Variants in CTDP1 observed in about 807,000 individuals in gnomAD.
CTDP1 encodes CTD phosphatase 1.
In CTDP1, 47 loss-of-function variants were observed where a neutral mutation model predicts 91.8. That is an observed-to-expected ratio of 0.51 (90% CI 0.41 to 0.65). The LOEUF (loss-of-function observed/expected upper bound fraction) is 0.65, where lower values mean the gene tolerates loss of function less well. CTDP1 is among the 30% of genes least tolerant of loss of function. The pLI is 0.00. For missense variants in CTDP1, 1,272 were observed against 1,373.7 expected, an observed-to-expected ratio of 0.93 and a Z score of 1.17; for synonymous variants, 656 against 598.5, an observed-to-expected ratio of 1.10 and a Z score of -1.40.
In CTDP1 at chr18:79,690,879, G is replaced by A. The variant is rs527464434; in HGVS notation, c.315-4346G>A. Among the ~76,000 whole-genome samples, 133 of 152,312 alleles carry A rather than the reference G, an allele frequency of 8.7e-4. 1 individual carries two copies. Among genetic ancestry groups the A allele is most frequent in the African/African-American group, 2.9e-3 (121 of 41,564 alleles). On this transcript the variant is annotated intron_variant, in intron 1 of 12. Transcript: ENST00000613122. ...TTTCAACCGCAGTACAGAAAATTAC[G>A]TGACTCCGACGTGGCCAGTATGCGA...
intron 3 of CTDP1, among the ~76,000 whole-genome samples, chr18:79,696,862 C>T (rs540474990): frequency 1.8e-4 from 27 of 152,246 alleles, no homozygotes; most frequent in African/African-American, 6.0e-4. Flanking sequence ...CGCTTCACCC[C>T]GTGGGTGAAA....
chr18:79,729,571 C>T (rs1293259174), intron 11 of CTDP1, among the ~76,000 whole-genome samples: 1 of 152,252 alleles, frequency 6.6e-6, no homozygotes, highest in Admixed American at 6.5e-5. Context: ...CTCGTTATCA[C>T]AGCGCGAAAC....
At chr18:79,716,927 C>T (rs1415250971) in intron 8 of CTDP1, among the ~76,000 whole-genome samples, 1 of 152,294 alleles carries the variant, frequency 6.6e-6, no homozygotes, top group Non-Finnish European at 1.5e-5. Context: ...TATCCCTGGC[C>T]TGGCAGATGG....
intron 4 of CTDP1, chr18:79,703,677 A>T (rs890558779): frequency 1.6e-5 from 2 of 125,126 alleles, no homozygotes; most frequent in Admixed American, 1.7e-4. Flanking sequence ...AACACGTATC[A>T]GCGAGGAAAC....
intron 10 of CTDP1, among the ~76,000 whole-genome samples, chr18:79,725,554 A>G (rs1459445356): frequency 6.7e-6 from 1 of 149,032 alleles, no homozygotes; most frequent in African/African-American, 2.5e-5. Flanking sequence ...CAGCCTCCTT[A>G]TTTCGTACTT....
At chr18:79,748,418 G>T (rs886540566) in intron 12 of CTDP1, among the ~76,000 whole-genome samples, 3 of 152,212 alleles carry the variant, frequency 2.0e-5, no homozygotes, top group African/African-American at 7.2e-5. Context: ...CCCAGCCCGG[G>T]CTCTGTGACC....
At chr18:79,748,284 G>A (rs866137865) in intron 12 of CTDP1, among the ~76,000 whole-genome samples, 1 of 152,234 alleles carries the variant, frequency 6.6e-6, no homozygotes, top group Non-Finnish European at 1.5e-5. Flanking sequence ...TAAGAGCAAA[G>A]GTTTTGTGCC....
chr18:79,689,898 G>T (rs1366299841), intron 1 of CTDP1, among the ~76,000 whole-genome samples: 1 of 152,204 alleles, frequency 6.6e-6, no homozygotes, highest in African/African-American at 2.4e-5. Flanking sequence ...TGGCCGGCGG[G>T]ATCCCCGTGG....
In CTDP1 at chr18:79,680,015, G is replaced by A. The variant is rs2085323098; in HGVS notation, c.68G>A (p.Arg23His). 2 of 1,284,594 alleles carry A rather than the reference G, an allele frequency of 1.6e-6. No individual in the cohort carries two copies. Among genetic ancestry groups the A allele is most frequent in the Admixed American group, 4.1e-5 (1 of 24,424 alleles). 79.6% of individuals were successfully genotyped at this position (1,284,594 alleles called of 1,614,324 possible). ...CCGACGGCGGCTGTGGCCGAGGTGC[G>A]CTGCCCGGGGCCCGCGCCGCTGCGC... ...GAPTAAVAEV[R>H]CPGPAPLRLL... is the part of the protein sequence containing the mutation. Residue 23 changes from arginine (R) to histidine (H), a missense_variant, in exon 1 of 13, where the codon CGC becomes CAC. This residue lies in a region of CTDP1 where 214 missense variants were observed against 179.1 expected (regional missense o/e 1.19). Transcript: ENST00000613122.
At position 79,679,943 on chromosome 18, in the gene CTDP1, C is replaced by T; in HGVS notation, c.-5C>T. The T allele has an allele frequency of 2.2e-6, 3 of 1,384,462 alleles. No homozygotes were observed. The highest frequency in any genetic ancestry group is 2.8e-6 in the Non-Finnish European group (3 of 1,064,648). 85.8% of individuals were successfully genotyped at this position (1,384,462 alleles called of 1,614,324 possible). On this transcript the variant is annotated 5_prime_UTR_variant, in exon 1 of 13. Transcript: ENST00000613122. ...TACCGACCGCCCGCCCGCCCTCTGT[C>T]CGCGATGGAGGTGCCGGCCGCGGGT...
At position 79,695,232 on chromosome 18, in the gene CTDP1, C is replaced by T. The variant is rs2122487387; in HGVS notation, c.322C>T (p.Leu108=). ...PGQVVAPGAV[L]VRLEGCSHPV... Reference sequence around the variant, plus strand: ...CCTTGTGTTTTTTTGTAGAGCGGTTCTGGTGAGGTTGGAAGGATGCAGCCA... The same window carrying T: ...CCTTGTGTTTTTTTGTAGAGCGGTTTTGGTGAGGTTGGAAGGATGCAGCCA... Residue 108 remains leucine (L), a synonymous_variant, in exon 2 of 13, where the codon CTG becomes TTG. Transcript: ENST00000613122. The T allele has an allele frequency of 1.2e-6, 2 of 1,614,104 alleles. No individual in the cohort carries two copies. Among genetic ancestry groups the T allele is most frequent in the Middle Eastern group, 1.6e-4 (1 of 6,062 alleles).
At chr18:79,689,841 ATC>A in intron 1 of CTDP1, among the ~76,000 whole-genome samples, 1 of 152,230 alleles carries the variant, frequency 6.6e-6, no homozygotes, top group East Asian at 1.9e-4. Flanking sequence ...ATGGCTTATA[ATC>A]TGTTATTGTT....
In CTDP1 at chr18:79,695,937, G is replaced by A. The variant is rs770908815; in HGVS notation, c.399-40G>A. 6.2e-5 allele frequency: 95 copies of A among 1,536,002 alleles called. 1 individual carries two copies. The Admixed American group carries it at 1.6e-3, about 25-fold the overall frequency. On this transcript the variant is annotated intron_variant, in intron 2 of 12. Transcript: ENST00000613122. ...AGCCCAGTGTGCATCTGTGCGCAGAGACTCAGCTGAAAGCCCTGAACCTGT... is the reference window on the plus strand; with the variant it reads ...AGCCCAGTGTGCATCTGTGCGCAGAAACTCAGCTGAAAGCCCTGAACCTGT...
At position 79,753,824 on chromosome 18, in the gene CTDP1, G is replaced by A. The variant is rs371112832; in HGVS notation, c.*34G>A. The A allele has an allele frequency of 1.2e-5, 20 of 1,607,630 alleles. No individual in the cohort carries two copies. The highest frequency in any genetic ancestry group is 3.4e-5 in the Admixed American group (2 of 59,406). On this transcript the variant is annotated 3_prime_UTR_variant, in exon 13 of 13. Coordinates refer to ENST00000613122, the MANE Select transcript of CTDP1 (RefSeq NM_004715.5). ...AGCGGGCAGGGACTGAAGCCTGACC[G>A]ACCTCCAGCAGCACTCGGACGTCCC...
chr18:79,680,207 G>T lies in CTDP1; in HGVS notation c.260G>T (p.Arg87Leu), dbSNP rs768583929. Residue 87 changes from arginine (R) to leucine (L), a missense_variant, in exon 1 of 13, where the codon CGC (arginine) becomes CTC (leucine). Arg to Leu is a moderately radical substitution (Grantham distance 102). This residue lies in a region of CTDP1 where 214 missense variants were observed against 179.1 expected (regional missense o/e 1.19). Coordinates refer to ENST00000613122, the MANE Select transcript of CTDP1 (RefSeq NM_004715.5). The stretch of plus-strand genomic sequence containing the variant: ...CCGGAACGCAGGCTGAGGTCGGAGC[G>T]CGCGGGCGTGGTGCGGGAGCTGTGC... Reference protein sequence around the residue: ...ARPERRLRSERAGVVRELCAQ... With the variant: ...ARPERRLRSELAGVVRELCAQ... The T allele has an allele frequency of 8.7e-6, 12 of 1,374,658 alleles. No homozygotes were observed. The South Asian group carries it at 2.0e-4, about 23-fold the overall frequency. The allele number at this position is 1,374,658 out of a possible 1,614,324, so 85.2% of individuals were successfully genotyped here.
chr18:79,704,482 G>A (rs750808845), intron 4 of CTDP1, among the ~76,000 whole-genome samples: 1 of 151,740 alleles, frequency 6.6e-6, no homozygotes, highest in Non-Finnish European at 1.5e-5. Context: ...GTGTGGAGGG[G>A]CGTGTACATG....
At chr18:79,717,472 G>A (rs2086238256) in intron 8 of CTDP1, 63 bp from the exon 9 acceptor site, 13 of 1,604,282 alleles carry the variant, frequency 8.1e-6, no homozygotes, top group South Asian at 1.1e-5. Flanking sequence ...GGGTGCAGCC[G>A]GATGTGGGCC....
intron 5 of CTDP1, among the ~76,000 whole-genome samples, chr18:79,707,608 C>G (rs2085993755): frequency 6.6e-6 from 1 of 152,236 alleles, no homozygotes; most frequent in African/African-American, 2.4e-5. Flanking sequence ...GAAGACATCA[C>G]AAGAAAACTG....
rs759710952 is a variant in CTDP1, at chr18:79,753,743, G to A, written c.2839G>A (p.Asp947Asn). The A allele has an allele frequency of 7.4e-6, 12 of 1,613,810 alleles. No individual in the cohort carries two copies. Among genetic ancestry groups the A allele is most frequent in the East Asian group, 4.5e-5 (2 of 44,882 alleles). ...NEDEGSSSEA[D>N]EMAKALEAEL... is the part of the protein sequence containing the mutation. ...GGATGAGGGCAGCAGCTCCGAGGCC[G>A]ACGAGATGGCCAAGGCGCTGGAGGC... Residue 947 changes from aspartate to asparagine, a missense_variant, in exon 13 of 13, where the codon GAC becomes AAC. By Grantham distance (23) the Asp-to-Asn change is conservative. Coordinates refer to ENST00000613122, the MANE Select transcript of CTDP1 (RefSeq NM_004715.5).
Sources: gnomAD v4.1 joint callset for allele counts (sites outside exome capture counted in the v4.1 genomes callset) on GRCh38, gnomAD v4.1.1 for gene constraint, gnomAD v4.1.1 regional missense constraint, MANE v1.5 for transcripts, NCBI Gene and HGNC (gene_info 2026-07-23, HGNC 2026-07-21) for gene names.